EHD4: variants seen among roughly 807,000 people sequenced by gnomAD.
EHD4 encodes the protein EH domain-containing protein 4.
In EHD4, 37 loss-of-function variants were observed where a neutral mutation model predicts 51.0. That is an observed-to-expected ratio of 0.73 (90% CI 0.56 to 0.95). EHD4 has a LOEUF of 0.95. Among genes scored for constraint, EHD4 ranks in the 40% least tolerant of loss-of-function variants. EHD4 has a pLI of 0.00. For missense variants in EHD4, 632 were observed against 733.1 expected (o/e 0.86, Z 1.59); for synonymous variants, 297 against 317.3 (o/e 0.94, Z 0.68).
chr15:41,898,437 T>A lies in EHD4; in HGVS notation c.*2208A>T, dbSNP rs1037500873. On this transcript the variant is annotated 3_prime_UTR_variant, in exon 6 of 6. Coordinates refer to ENST00000220325, the MANE Select transcript of EHD4 (RefSeq NM_139265.4). ...TGAGGAGAGTTAAAGAACAAGATAATTCTGGATGGAAAAATCAGTTTGCCT... is the reference window on the plus strand; with the variant it reads ...TGAGGAGAGTTAAAGAACAAGATAAATCTGGATGGAAAAATCAGTTTGCCT... 1.3e-5 allele frequency: 2 copies of A among 152,228 alleles called. No individual in the cohort carries two copies. Among genetic ancestry groups the A allele is most frequent in the Admixed American group, 6.5e-5 (1 of 15,284 alleles). 9.4% of individuals were successfully genotyped at this position (152,228 alleles called of 1,614,324 possible).
Position 41,953,748 on chromosome 15 carries a change from G to A in EHD4, c.413+16C>T. 1 of 1,574,856 alleles carries A rather than the reference G, an allele frequency of 6.3e-7. No individual in the cohort carries two copies. The highest frequency in any genetic ancestry group is 1.2e-5 in the South Asian group (1 of 85,654). ...TTAAACAGCCTGACCGAAGATGGCA[G>A]CTTGCTGGTCCTTACCGATTCAGGA... On this transcript the variant is annotated intron_variant, in intron 2 of 5. Transcript: ENST00000220325.
chr15:41,902,374 T>C (rs969421759), intron 5 of EHD4, among the ~76,000 whole-genome samples: 3 of 152,052 alleles, frequency 2.0e-5, no homozygotes, highest in Non-Finnish European at 2.9e-5. Context: ...CAGCCAACAA[T>C]TCATCCATCC....
intron 5 of EHD4, chr15:41,908,077 G>A (rs8039061): frequency 0.2 from 30,808 of 151,746 alleles, 3,321 homozygotes; most frequent in Middle Eastern, 0.41. Flanking sequence ...TGTTGGCCAG[G>A]CTGGTCTTGA....
intron 3 of EHD4, among the ~76,000 whole-genome samples, chr15:41,936,214 C>T (rs1412171225): frequency 1.3e-5 from 2 of 152,128 alleles, no homozygotes; most frequent in Non-Finnish European, 2.9e-5. Flanking sequence ...AGAGAAGACT[C>T]CCAAGGCACG....
rs868683908 is a variant in EHD4 at position 41,900,413 on chromosome 15, C to A, written c.*232G>T. 49 of 563,740 alleles carry A rather than the reference C, an allele frequency of 8.7e-5. 1 individual carries two copies. Among genetic ancestry groups the A allele is most frequent in the Non-Finnish European group, 1.3e-4 (42 of 319,858 alleles). 34.9% of individuals were successfully genotyped at this position (563,740 alleles called of 1,614,324 possible). ...TGGACAATTTCTCTTTCTTCTCAACCCTTCAATCTCCTAATCCACCCCCCT... is the reference window on the plus strand; with the variant it reads ...TGGACAATTTCTCTTTCTTCTCAACACTTCAATCTCCTAATCCACCCCCCT... On this transcript the variant is annotated 3_prime_UTR_variant, in exon 6 of 6. Transcript: ENST00000220325. The surrounding 1 kb of genome is among the most constrained non-coding windows in gnomAD (Gnocchi z 4.8).
At chr15:41,918,474 T>C (rs1240114736) in intron 4 of EHD4, among the ~76,000 whole-genome samples, 2 of 152,242 alleles carry the variant, frequency 1.3e-5, no homozygotes, top group Non-Finnish European at 2.9e-5. Context: ...CTGTATTTTC[T>C]CTTGGAGGAG....
In EHD4 at chr15:41,897,507, G is replaced by A. The variant is rs1485281437; in HGVS notation, c.*3138C>T. The A allele has an allele frequency of 6.6e-6, 1 of 152,334 alleles. No individual in the cohort carries two copies. The highest frequency in any genetic ancestry group is 2.4e-5 in the African/African-American group (1 of 41,464). 9.4% of individuals were successfully genotyped at this position (152,334 alleles called of 1,614,324 possible). A position where few individuals can be genotyped will look rare whatever the true frequency, so the allele number is the denominator to read the frequency against. On this transcript the variant is annotated 3_prime_UTR_variant, in exon 6 of 6. Coordinates refer to ENST00000220325, the MANE Select transcript of EHD4 (RefSeq NM_139265.4). ...CCCCAGAAGAGCAACCCTGCCCCCA[G>A]GCCATCCAAGTGCGGTGAGTTGAGA...
In EHD4 at chr15:41,969,535, A is replaced by C. The variant is rs530049755; in HGVS notation, c.236+2724T>G. 1.6e-3 allele frequency among the ~76,000 whole-genome samples: 238 copies of C among 146,818 alleles called. 1 individual carries two copies. The highest frequency in any genetic ancestry group is 5.9e-3 in the African/African-American group (220 of 37,516). On this transcript the variant is annotated intron_variant, in intron 1 of 5. Transcript: ENST00000220325. ...CACTCCAGCCTGGGCAACAACAGCG[A>C]AACTGTCTCAAAAAAAAAAAATTGT...
In EHD4 at chr15:41,900,846, C is replaced by G; in HGVS notation, c.1425G>C (p.Val475=). 10 of 1,614,186 alleles carry G rather than the reference C, an allele frequency of 6.2e-6. No homozygotes were observed. The highest frequency in any genetic ancestry group is 8.5e-6 in the Non-Finnish European group (10 of 1,180,042). Residue 475 remains valine, a synonymous_variant, in exon 6 of 6, where the codon GTG becomes GTC. Transcript: ENST00000220325. The surrounding 1 kb of genome is among the most constrained non-coding windows in gnomAD (Gnocchi z 4.8). The stretch of plus-strand genomic sequence containing the variant: ...GGACGCTGTTGGGCAGCTTGGAGGT[C>G]ACCATCTCCTTCTTGGCGTTGACAC... ...ISGVNAKKEM[V]TSKLPNSVLG...
At chr15:41,942,947 CA>C in intron 3 of EHD4, 119 bp downstream of exon 3, 1 of 958,096 alleles carries the variant, frequency 1.0e-6, no homozygotes. Flanking sequence ...GGGGCCCCTT[CA>C]GCTGCCCAAC....
chr15:41,910,466 A>T (rs1359708851), intron 4 of EHD4, among the ~76,000 whole-genome samples: 3 of 152,238 alleles, frequency 2.0e-5, no homozygotes, highest in Admixed American at 6.5e-5. Flanking sequence ...TGGGGTAGCC[A>T]GCAGGCTGTC....
intron 3 of EHD4, among the ~76,000 whole-genome samples, chr15:41,920,119 C>T (rs553766903): frequency 8.5e-5 from 13 of 152,354 alleles, no homozygotes; most frequent in African/African-American, 2.6e-4. Flanking sequence ...CTTCAATTAA[C>T]CCAAGTTTGT....
At chr15:41,918,396 A>G (rs2067600154) in intron 4 of EHD4, among the ~76,000 whole-genome samples, 1 of 152,260 alleles carries the variant, frequency 6.6e-6, no homozygotes, top group Non-Finnish European at 1.5e-5. Flanking sequence ...CTCTAAAGGC[A>G]CTTCCAGCAT....
At chr15:41,933,251 C>T (rs886445544) in intron 3 of EHD4, among the ~76,000 whole-genome samples, 2 of 152,210 alleles carry the variant, frequency 1.3e-5, no homozygotes, top group African/African-American at 4.8e-5. Flanking sequence ...AGATGCCTGC[C>T]TGCCTGCCGG....
intron 1 of EHD4, among the ~76,000 whole-genome samples, chr15:41,966,367 G>A (rs1339723196): frequency 1.3e-5 from 2 of 152,132 alleles, no homozygotes; most frequent in African/African-American, 4.8e-5. Flanking sequence ...CCTGGCTTTT[G>A]TGGGGGTCAT....
At chr15:41,918,029 G>C (rs1012895774) in intron 4 of EHD4, among the ~76,000 whole-genome samples, 6 of 152,176 alleles carry the variant, frequency 3.9e-5, no homozygotes, top group Non-Finnish European at 5.9e-5. Flanking sequence ...AGGCTGCCCA[G>C]TGAGCACACT....
Position 41,908,360 on chromosome 15 carries a change from C to A in EHD4, c.1089+1339G>T, listed in dbSNP as rs1440083558. 5 of 152,198 alleles carry A rather than the reference C, an allele frequency of 3.3e-5. No individual in the cohort carries two copies. The East Asian group carries it at 9.6e-4, about 29-fold the overall frequency. The allele number at this position is 152,198 out of a possible 1,614,324, so 9.4% of individuals were successfully genotyped here. On this transcript the variant is annotated intron_variant, in intron 5 of 5. Transcript: ENST00000220325. ...TAGGATCAAAGTTCCCCTCTCATCA[C>A]CTGCTGGCCCTTGCCTCTTCTGCCC...
At chr15:41,932,801 G>A (rs2067707438) in intron 3 of EHD4, among the ~76,000 whole-genome samples, 2 of 152,196 alleles carry the variant, frequency 1.3e-5, no homozygotes, top group African/African-American at 2.4e-5. Flanking sequence ...CACCGCCCCT[G>A]CTTTGGATCT....
At chr15:41,969,100 GTTTA>G (rs2067980041) in intron 1 of EHD4, among the ~76,000 whole-genome samples, 1 of 152,210 alleles carries the variant, frequency 6.6e-6, no homozygotes, top group Admixed American at 6.5e-5. Context: ...CAGTCTGGGA[GTTTA>G]TTTCTTTTCT....
Sources: gnomAD v4.1 joint callset for allele counts (sites outside exome capture counted in the v4.1 genomes callset) on GRCh38, gnomAD v4.1.1 for gene constraint, Gnocchi (gnomAD v3.1) non-coding constraint, MANE v1.5 for transcripts, NCBI Gene and HGNC (gene_info 2026-07-23, HGNC 2026-07-21) for gene names.